The following KLHL5 variants were observed in gnomAD, a reference collection of about 807,000 sequenced individuals.
The protein encoded by KLHL5 is kelch like family member 5.
In KLHL5, 48 loss-of-function variants were observed where a neutral mutation model predicts 77.7. The ratio of observed to expected loss-of-function variants is 0.62; its 90% CI spans 0.49 to 0.79. The LOEUF (loss-of-function observed/expected upper bound fraction) is 0.79, where lower values mean the gene tolerates loss of function less well. KLHL5 is among the 30% of genes least tolerant of loss of function. KLHL5 has a pLI of 0.00. For missense variants in KLHL5, 723 were observed against 859.7 expected (o/e 0.84, Z 1.99); for synonymous variants, 260 against 297.0 (o/e 0.88, Z 1.28).
chr4:39,132,969 TA>T, the KLHL5 span, among the ~76,000 whole-genome samples: 1 of 152,174 alleles, frequency 6.6e-6, no homozygotes, highest in Non-Finnish European at 1.5e-5. Flanking sequence ...TTGTAATACC[TA>T]AAAATGTTAA....
the KLHL5 span, among the ~76,000 whole-genome samples, chr4:39,140,418 G>T: frequency 6.6e-6 from 1 of 152,140 alleles, no homozygotes; most frequent in Non-Finnish European, 1.5e-5. Context: ...AAGTGTCTTT[G>T]TAGGAAATAC....
chr4:39,127,030 T>C (rs1723581012), downstream of KLHL5, among the ~76,000 whole-genome samples: 2 of 152,138 alleles, frequency 1.3e-5, no homozygotes, highest in South Asian at 4.1e-4. Context: ...GGTCCATAAA[T>C]ACCTTGTTAT....
chr4:39,062,883 G>T lies in KLHL5; in HGVS notation c.231G>T (p.Gln77His). ...GYRRSSQLDF[Q>H]NSPSWPMAST... is the part of the protein sequence containing the mutation. ...GAAGGTCCAGCCAACTGGATTTTCA[G>T]AATTCACCTTCTTGGCCAATGGCAT... Residue 77 changes from glutamine (Q) to histidine (H), a missense_variant, in exon 1 of 11, where the codon CAG (glutamine) becomes CAT (histidine). Transcript: ENST00000504108. 6.2e-7 allele frequency: 1 copy of T among 1,614,182 alleles called. No homozygotes were observed. Among genetic ancestry groups the T allele is most frequent in the Non-Finnish European group, 8.5e-7 (1 of 1,180,030 alleles).
At chr4:39,101,911 CATAT>C (rs1359643202) in intron 6 of KLHL5, among the ~76,000 whole-genome samples, 2 of 142,930 alleles carry the variant, frequency 1.4e-5, no homozygotes, top group African/African-American at 5.2e-5. Flanking sequence ...CACACACACA[CATAT>C]ATATATACAT....
At chr4:39,103,238 A>T in intron 6 of KLHL5, 49 bp from the exon 7 acceptor site, 3 of 1,286,176 alleles carry the variant, frequency 2.3e-6, no homozygotes, top group Non-Finnish European at 3.3e-6. Flanking sequence ...TAAAATTACC[A>T]ATCATGGTAT....
At chr4:39,141,483 T>TCACC in the KLHL5 span, among the ~76,000 whole-genome samples, 1 of 152,072 alleles carries the variant, frequency 6.6e-6, no homozygotes, top group African/African-American at 2.4e-5. Context: ...TAATAATTTT[T>TCACC]TGTATTTTTA....
chr4:39,102,802 C>T (rs1188019415), intron 6 of KLHL5, among the ~76,000 whole-genome samples: 3 of 152,204 alleles, frequency 2.0e-5, no homozygotes, highest in Non-Finnish European at 4.4e-5. Context: ...ATCTTCTATG[C>T]TCACTGTGTT....
intron 5 of KLHL5, among the ~76,000 whole-genome samples, chr4:39,087,521 T>C (rs1345464889): frequency 2.9e-5 from 4 of 137,528 alleles, no homozygotes; most frequent in Non-Finnish European, 6.7e-5. Context: ...CTTCCCTGAC[T>C]ACCTCACAGG....
chr4:39,060,146 A>G (rs909380403), upstream of KLHL5, among the ~76,000 whole-genome samples: 1 of 152,192 alleles, frequency 6.6e-6, no homozygotes. Context: ...CCATGTATAT[A>G]TAAAATTAGG....
intron 1 of KLHL5, among the ~76,000 whole-genome samples, chr4:39,053,020 C>T (rs1379298843): frequency 2.6e-5 from 4 of 152,178 alleles, no homozygotes; most frequent in African/African-American, 4.8e-5. Context: ...AATTATTGAA[C>T]AGGTTATTGG....
At chr4:39,071,329 A>T (rs1010278850) in intron 1 of KLHL5, among the ~76,000 whole-genome samples, 3 of 151,860 alleles carry the variant, frequency 2.0e-5, no homozygotes, top group Non-Finnish European at 4.4e-5. Flanking sequence ...GAGCCAGACT[A>T]TTTAGAGTTT....
chr4:39,129,633 T>C (rs1234997816), downstream of KLHL5, among the ~76,000 whole-genome samples: 2 of 152,178 alleles, frequency 1.3e-5, no homozygotes, highest in Non-Finnish European at 2.9e-5. The surrounding 1 kb of genome is among the most constrained non-coding windows in gnomAD (Gnocchi z 4.2). Context: ...ACCCAACAGA[T>C]AGTTTTTCAG....
intron 8 of KLHL5, 102 bp from the exon 9 acceptor site, chr4:39,112,918 A>T: frequency 1.0e-6 from 1 of 985,112 alleles, no homozygotes; most frequent in Non-Finnish European, 1.5e-6. Context: ...TTTATAACTG[A>T]TGGCACCTTA....
intron 1 of KLHL5, among the ~76,000 whole-genome samples, chr4:39,048,099 C>T (rs1716334292): frequency 6.6e-6 from 1 of 152,238 alleles, no homozygotes; most frequent in East Asian, 1.9e-4. Context: ...ATCAAGAATC[C>T]TTCACTGTCT....
rs1722576868 is a variant in KLHL5 at position 39,113,120 on chromosome 4, A to G, written c.1789A>G (p.Lys597Glu). 1 of 1,614,160 alleles carries G rather than the reference A, an allele frequency of 6.2e-7. No homozygotes were observed. The change falls in exon 9 of 11, where the codon AAA becomes GAA. Residue 597 changes from lysine (K) to glutamate (E), a missense_variant. Transcript: ENST00000504108. ...GTGGACACTGTGTGCACAGATGTCAAAAAGGAGAGGTGGCGTAGGAGTGAC... is the reference window on the plus strand; with the variant it reads ...GTGGACACTGTGTGCACAGATGTCAGAAAGGAGAGGTGGCGTAGGAGTGAC... ...NKWTLCAQMSKRRGGVGVTTW... is the reference protein window; with the variant it reads ...NKWTLCAQMSERRGGVGVTTW...
At position 39,062,482 on chromosome 4, in the gene KLHL5, T is replaced by A; in HGVS notation, c.-171T>A. ...TTATCCTTTGTTCTTTAAAATCTGATATATTGGCATAAAAGTAATTGTAGA... is the reference window on the plus strand; with the variant it reads ...TTATCCTTTGTTCTTTAAAATCTGAAATATTGGCATAAAAGTAATTGTAGA... On this transcript the variant is annotated 5_prime_UTR_variant, in exon 1 of 11. Coordinates refer to ENST00000504108, the MANE Select transcript of KLHL5 (RefSeq NM_015990.5). 6.3e-7 allele frequency: 1 copy of A among 1,581,998 alleles called. No individual in the cohort carries two copies. The highest frequency in any genetic ancestry group is 1.2e-5 in the South Asian group (1 of 85,538).
chr4:39,138,020 T>C, the KLHL5 span, among the ~76,000 whole-genome samples: 4 of 152,026 alleles, frequency 2.6e-5, no homozygotes, highest in Admixed American at 1.3e-4. Context: ...TGAGATACCA[T>C]CTCACACCAC....
In KLHL5 at chr4:39,082,121, T is replaced by G. The variant is rs1459483683; in HGVS notation, c.862T>G (p.Cys288Gly). 1 of 1,609,116 alleles carries G rather than the reference T, an allele frequency of 6.2e-7. No homozygotes were observed. Among genetic ancestry groups the G allele is most frequent in the Admixed American group, 1.7e-5 (1 of 58,394 alleles). Reference sequence around the variant, plus strand: ...TCGTTCTTTTGCTGATGCCCAAGGTTGTACAGATTTGCATAAAGTGGCTCA... The same window carrying G: ...TCGTTCTTTTGCTGATGCCCAAGGTGGTACAGATTTGCATAAAGTGGCTCA... ...GIRSFADAQG[C>G]TDLHKVAHNY... Residue 288 changes from cysteine to glycine, a missense_variant, in exon 4 of 11, where the codon TGT becomes GGT. By Grantham distance (159) the Cys-to-Gly change is radical. Around this residue, in one of 3 missense-constraint regions of KLHL5, gnomAD observed 288 missense variants for 400.3 expected, o/e 0.72. Coordinates refer to ENST00000504108, the MANE Select transcript of KLHL5 (RefSeq NM_015990.5).
chr4:39,071,364 TAGAC>T (rs1223630531), intron 1 of KLHL5, among the ~76,000 whole-genome samples: 4 of 152,180 alleles, frequency 2.6e-5, no homozygotes. Flanking sequence ...TTCCTACTCA[TAGAC>T]AGTATAACTT....
Sources: allele counts gnomAD v4.1 joint callset (sites outside exome capture counted in the v4.1 genomes callset), GRCh38; gene constraint gnomAD v4.1.1; regional missense constraint gnomAD v4.1.1; non-coding constraint Gnocchi (gnomAD v3.1); transcripts MANE v1.5; gene names NCBI Gene and HGNC (gene_info 2026-07-23, HGNC 2026-07-21).